The following DACH1 variants were observed in gnomAD, a reference collection of about 807,000 sequenced individuals.
DACH1 encodes dachshund family transcription factor 1, also known as dachshund homolog 1.
In DACH1, 12 loss-of-function variants were observed where a neutral mutation model predicts 54.2. The ratio of observed to expected loss-of-function variants is 0.22; its 90% CI spans 0.14 to 0.36. The LOEUF is 0.36. DACH1 is among the 10% of genes least tolerant of loss of function. The probability of loss-of-function intolerance (pLI) is 1.00; values close to 1 mark genes in which losing one functional copy is unlikely to be tolerated. For missense variants in DACH1, 805 were observed against 929.8 expected (o/e 0.87, Z 1.75); for synonymous variants, 386 against 366.2 (o/e 1.05, Z -0.62).
chr13:71,640,452 G>A (rs192675055), intron 2 of DACH1, among the ~76,000 whole-genome samples: 1 of 152,046 alleles, frequency 6.6e-6, no homozygotes, highest in African/African-American at 2.4e-5. Flanking sequence ...GTATTACATA[G>A]GGCACAATGA....
At chr13:71,584,340 T>C (rs886713782) in intron 3 of DACH1, among the ~76,000 whole-genome samples, 2 of 152,230 alleles carry the variant, frequency 1.3e-5, no homozygotes, top group African/African-American at 4.8e-5. Context: ...GAGCTTCCTA[T>C]GAAGAGTTGC....
intron 6 of DACH1, among the ~76,000 whole-genome samples, chr13:71,549,234 T>C (rs1234385612): frequency 2.6e-5 from 4 of 152,130 alleles, no homozygotes; most frequent in African/African-American, 9.6e-5. Flanking sequence ...CAAATTTCAA[T>C]GTGAAACTGA....
At chr13:71,656,632 A>G (rs1879107476) in intron 2 of DACH1, among the ~76,000 whole-genome samples, 1 of 151,854 alleles carries the variant, frequency 6.6e-6, no homozygotes, top group African/African-American at 2.4e-5. Context: ...TTGTTAAATT[A>G]TGTTAGTTCC....
chr13:71,488,732 G>A (rs1007515235), intron 7 of DACH1, among the ~76,000 whole-genome samples: 1 of 151,310 alleles, frequency 6.6e-6, no homozygotes, highest in Non-Finnish European at 1.5e-5. Flanking sequence ...ATTTTAGACA[G>A]AATGAATTTT....
chr13:71,533,325 T>C (rs1882540268), intron 6 of DACH1, among the ~76,000 whole-genome samples: 1 of 151,922 alleles, frequency 6.6e-6, no homozygotes, highest in Non-Finnish European at 1.5e-5. Flanking sequence ...GTTTCATAAG[T>C]AATTCCTCGT....
chr13:71,704,066 G>GT (rs1882302884), intron 1 of DACH1: 1 of 156,838 alleles, frequency 6.4e-6, no homozygotes, highest in African/African-American at 2.4e-5. Flanking sequence ...ATAAGGAAGT[G>GT]TAGAGACAAA....
At position 71,858,293 on chromosome 13, in the gene DACH1, T is replaced by C. The variant is rs115548406; in HGVS notation, c.848+7629A>G. On this transcript the variant is annotated intron_variant, in intron 1 of 10. Transcript: ENST00000613252. Reference sequence around the variant, plus strand: ...AATCTAATTATTTACAAACACTTGATACCATACAAATTCAAAGATCATTTA... The same window carrying C: ...AATCTAATTATTTACAAACACTTGACACCATACAAATTCAAAGATCATTTA... 1.9e-3 allele frequency among the ~76,000 whole-genome samples: 285 copies of C among 151,898 alleles called. 3 individuals are homozygous for C. The highest frequency in any genetic ancestry group is 6.2e-3 in the African/African-American group (258 of 41,556).
chr13:71,660,608 T>C (rs1464664351), intron 2 of DACH1, among the ~76,000 whole-genome samples: 1 of 152,052 alleles, frequency 6.6e-6, no homozygotes, highest in Non-Finnish European at 1.5e-5. Context: ...AACCCTAGTC[T>C]TAATTTCTCA....
intron 1 of DACH1, among the ~76,000 whole-genome samples, chr13:71,858,456 T>G (rs1241378533): frequency 2.0e-5 from 3 of 151,828 alleles, no homozygotes; most frequent in Non-Finnish European, 4.4e-5. Context: ...ATTTGCTTCA[T>G]GAAAATCATG....
chr13:71,500,154 C>T (rs1201166251), intron 6 of DACH1, among the ~76,000 whole-genome samples: 1 of 152,088 alleles, frequency 6.6e-6, no homozygotes, highest in African/African-American at 2.4e-5. Flanking sequence ...TGTGCTGTGA[C>T]CTTGGCCAAT....
chr13:71,538,207 G>T (rs934059065), intron 6 of DACH1, among the ~76,000 whole-genome samples: 1 of 151,892 alleles, frequency 6.6e-6, no homozygotes, highest in Admixed American at 6.6e-5. Flanking sequence ...TAATACTAAG[G>T]TTAAAAATCT....
chr13:71,697,384 C>T lies in DACH1; in HGVS notation c.849-15474G>A, dbSNP rs577131455. On this transcript the variant is annotated intron_variant, in intron 1 of 10. Coordinates refer to ENST00000613252, the MANE Select transcript of DACH1 (RefSeq NM_080759.6). ...CGACTTGTCAGAGTGTTGTGTATGG[C>T]GCCAACTTGATAATGATGATAAAGT... Among the ~76,000 whole-genome samples the T allele has an allele frequency of 9.9e-5, 15 of 152,210 alleles. No homozygotes were observed. The South Asian group carries it at 2.9e-3, about 30-fold the overall frequency.
chr13:71,827,794 A>G (rs1385952204), intron 1 of DACH1, among the ~76,000 whole-genome samples: 1 of 152,096 alleles, frequency 6.6e-6, no homozygotes, highest in Admixed American at 6.6e-5. Flanking sequence ...ATAGCTGATT[A>G]GGATTTCCTA....
At chr13:71,803,432 A>G (rs1021093689) in intron 1 of DACH1, among the ~76,000 whole-genome samples, 1 of 152,154 alleles carries the variant, frequency 6.6e-6, no homozygotes, top group Non-Finnish European at 1.5e-5. Context: ...TAAAACTTAT[A>G]TTTACAAATT....
intron 10 of DACH1, among the ~76,000 whole-genome samples, chr13:71,458,022 A>G (rs1401013531): frequency 6.6e-6 from 1 of 151,942 alleles, no homozygotes; most frequent in Non-Finnish European, 1.5e-5. Context: ...TAGTACTACA[A>G]TTTGACTTAC....
At chr13:71,816,606 G>GTA (rs1439517004) in intron 1 of DACH1, among the ~76,000 whole-genome samples, 2 of 87,244 alleles carry the variant, frequency 2.3e-5, no homozygotes, top group Non-Finnish European at 5.0e-5. Flanking sequence ...ACATATGTGT[G>GTA]TATATATATA....
At position 71,866,434 on chromosome 13, in the gene DACH1, G is replaced by C. The variant is rs1391031241; in HGVS notation, c.336C>G (p.Ser112Arg). 1.4e-6 allele frequency: 2 copies of C among 1,408,738 alleles called. No homozygotes were observed. Among genetic ancestry groups the C allele is most frequent in the Admixed American group, 2.6e-5 (1 of 38,694 alleles). 87.3% of individuals were successfully genotyped at this position (1,408,738 alleles called of 1,614,324 possible). ...CGCCGCCGCCGCCGCCGCTGCCGTTGCTCGCGGCCGCCAGGTTGGGGTTGC... is the reference window on the plus strand; with the variant it reads ...CGCCGCCGCCGCCGCCGCTGCCGTTCCTCGCGGCCGCCAGGTTGGGGTTGC... ...SNCNPNLAAA[S>R]NGSGGGGGGI... Residue 112 changes from serine (S) to arginine (R), a missense_variant, in exon 1 of 11, where the codon AGC becomes AGG. By Grantham distance (110) the Ser-to-Arg change is moderately radical. This residue lies in a region of DACH1 where 305 missense variants were observed against 308.7 expected (regional missense o/e 0.99). Coordinates refer to ENST00000613252, the MANE Select transcript of DACH1 (RefSeq NM_080759.6).
At chr13:71,738,636 G>A (rs1884243095) in intron 1 of DACH1, among the ~76,000 whole-genome samples, 1 of 147,696 alleles carries the variant, frequency 6.8e-6, no homozygotes, top group Non-Finnish European at 1.5e-5. Flanking sequence ...GGAGGCTGAG[G>A]CAGGAGAGTT....
chr13:71,766,272 T>C (rs925260215), intron 1 of DACH1, among the ~76,000 whole-genome samples: 9 of 152,220 alleles, frequency 5.9e-5, no homozygotes, highest in African/African-American at 1.4e-4. Context: ...CTTCAGGTTG[T>C]CACCTGTAGC....
Sources: allele counts gnomAD v4.1 joint callset (sites outside exome capture counted in the v4.1 genomes callset), GRCh38; gene constraint gnomAD v4.1.1; regional missense constraint gnomAD v4.1.1; transcripts MANE v1.5; gene names NCBI Gene and HGNC (gene_info 2026-07-23, HGNC 2026-07-21).